RGS7: variants seen among roughly 807,000 people sequenced by gnomAD.
The protein encoded by RGS7 is regulator of G-protein signaling 7.
In RGS7, 27 loss-of-function variants were observed where a neutral mutation model predicts 81.1. That is an observed-to-expected ratio of 0.33 (90% confidence interval 0.25 to 0.46). The LOEUF (loss-of-function observed/expected upper bound fraction) is 0.46, where lower values mean the gene tolerates loss of function less well. Among genes scored for constraint, RGS7 ranks in the 20% least tolerant of loss-of-function variants. The pLI is 1.00. For missense variants in RGS7, 396 were observed against 607.4 expected (o/e 0.65, Z 3.66); for synonymous variants, 208 against 207.7 (o/e 1.00, Z -0.01).
At chr1:240,864,751 T>TA (rs2148001320) in intron 9 of RGS7, among the ~76,000 whole-genome samples, 1 of 152,298 alleles carries the variant, frequency 6.6e-6, no homozygotes, top group South Asian at 2.1e-4. Flanking sequence ...TCATGCAAGT[T>TA]ATCCCTAAAT....
intron 10 of RGS7, among the ~76,000 whole-genome samples, chr1:240,822,075 T>C (rs1691898618): frequency 6.6e-6 from 1 of 152,202 alleles, no homozygotes; most frequent in South Asian, 2.1e-4. Flanking sequence ...GTTTATTGGA[T>C]GGGATTAACA....
chr1:241,081,724 T>A (rs1413216901), intron 3 of RGS7, among the ~76,000 whole-genome samples: 1 of 152,216 alleles, frequency 6.6e-6, no homozygotes, highest in East Asian at 1.9e-4. Context: ...TACTTAAGGA[T>A]AGGCAAACAG....
chr1:241,203,692 T>C (rs1350765642), intron 2 of RGS7, among the ~76,000 whole-genome samples: 1 of 152,128 alleles, frequency 6.6e-6, no homozygotes, highest in Admixed American at 6.6e-5. Context: ...ATAATCCCTG[T>C]CTCTTGATAA....
chr1:241,206,086 A>G (rs2073863478), intron 2 of RGS7, among the ~76,000 whole-genome samples: 1 of 151,924 alleles, frequency 6.6e-6, no homozygotes, highest in Non-Finnish European at 1.5e-5. Context: ...GAGATAATCT[A>G]TTTCTAGGCA....
rs1406438179 is a variant in RGS7 at position 241,144,027 on chromosome 1, A to G, written c.79-45265T>C. ...CCAGAACTCTGAGAAATACATTTCT[A>G]TTGTGTATAAGCCACTCAGCCCATG... On this transcript the variant is annotated intron_variant, in intron 2 of 18. Coordinates refer to ENST00000440928, the MANE Select transcript of RGS7 (RefSeq NM_001364886.1). The surrounding 1 kb of genome is among the most constrained non-coding windows in gnomAD (Gnocchi z 4.7). Among the ~76,000 whole-genome samples the G allele has an allele frequency of 1.3e-5, 2 of 152,132 alleles. No individual in the cohort carries two copies. The highest frequency in any genetic ancestry group is 2.9e-5 in the Non-Finnish European group (2 of 68,010).
At chr1:241,016,301 T>C (rs571254859) in intron 3 of RGS7, among the ~76,000 whole-genome samples, 44 of 152,266 alleles carry the variant, frequency 2.9e-4, no homozygotes, top group Admixed American at 1.8e-3. Flanking sequence ...GGTCTGATTA[T>C]GAGGTCAAGA....
chr1:241,197,421 AT>A (rs2073162154), intron 2 of RGS7, among the ~76,000 whole-genome samples: 1 of 39,916 alleles, frequency 2.5e-5, no homozygotes, highest in South Asian at 5.9e-4. Context: ...CGCCCGGCTA[AT>A]TTTTTGTATT....
At chr1:240,792,313 A>C (rs6429222) in intron 18 of RGS7, among the ~76,000 whole-genome samples, 18,205 of 152,170 alleles carry the variant, frequency 0.12, 3,635 homozygotes, top group African/African-American at 0.41. Context: ...AGTTTTTGTT[A>C]TCATCTAATG....
chr1:240,985,599 A>C (rs1685532742), intron 3 of RGS7, among the ~76,000 whole-genome samples: 1 of 152,192 alleles, frequency 6.6e-6, no homozygotes, highest in South Asian at 2.1e-4. Context: ...ATTGGACTTG[A>C]CCAACTGCTA....
intron 5 of RGS7, among the ~76,000 whole-genome samples, chr1:240,935,594 A>G (rs1214246737): frequency 6.6e-6 from 1 of 152,186 alleles, no homozygotes; most frequent in African/African-American, 2.4e-5. Flanking sequence ...AAATGAGTCC[A>G]AGGAAGGGGC....
intron 2 of RGS7, among the ~76,000 whole-genome samples, chr1:241,276,738 C>T (rs1165744732): frequency 6.6e-6 from 1 of 152,202 alleles, no homozygotes; most frequent in East Asian, 1.9e-4. Flanking sequence ...AATGTACTAC[C>T]TGGCATACAA....
chr1:241,174,131 G>C (rs377415292), intron 2 of RGS7, among the ~76,000 whole-genome samples: 1 of 152,294 alleles, frequency 6.6e-6, no homozygotes, highest in Non-Finnish European at 1.5e-5. Flanking sequence ...ATAAACCAAA[G>C]AAAAATATGA....
chr1:241,322,869 A>G (rs1390990048), intron 2 of RGS7, among the ~76,000 whole-genome samples: 1 of 152,222 alleles, frequency 6.6e-6, no homozygotes, highest in East Asian at 1.9e-4. Context: ...TAATTCATGA[A>G]TTCTCACATA....
intron 6 of RGS7, among the ~76,000 whole-genome samples, chr1:240,876,424 A>T (rs949294366): frequency 2.3e-4 from 35 of 152,210 alleles, no homozygotes; most frequent in African/African-American, 7.7e-4. Context: ...TACTGGGATC[A>T]TGCATATGTT....
chr1:241,033,519 T>A (rs933844832), intron 3 of RGS7, among the ~76,000 whole-genome samples: 1 of 152,102 alleles, frequency 6.6e-6, no homozygotes, highest in African/African-American at 2.4e-5. Flanking sequence ...ATATTTTATA[T>A]AAAAATGATA....
At chr1:241,136,938 C>T (rs536178628) in intron 2 of RGS7, among the ~76,000 whole-genome samples, 4 of 152,262 alleles carry the variant, frequency 2.6e-5, no homozygotes, top group Non-Finnish European at 4.4e-5. Flanking sequence ...CTGTTGGTGG[C>T]TTGCATCATC....
At chr1:240,847,012 G>A (rs1380704447) in intron 9 of RGS7, among the ~76,000 whole-genome samples, 2 of 152,186 alleles carry the variant, frequency 1.3e-5, no homozygotes, top group Non-Finnish European at 2.9e-5. Flanking sequence ...CTCAGTAGCT[G>A]TGTAAAATAG....
chr1:240,900,790 G>A (rs975671199), intron 6 of RGS7, among the ~76,000 whole-genome samples: 1 of 152,182 alleles, frequency 6.6e-6, no homozygotes, highest in Non-Finnish European at 1.5e-5. Context: ...CTCCAACTCT[G>A]TGCTGGGAGA....
chr1:240,944,126 T>C (rs969535170), intron 4 of RGS7, among the ~76,000 whole-genome samples: 2 of 151,576 alleles, frequency 1.3e-5, no homozygotes, highest in South Asian at 4.2e-4. Context: ...GAAAAAATGA[T>C]CCATGTAATA....
Sources: allele counts gnomAD v4.1 joint callset (sites outside exome capture counted in the v4.1 genomes callset), GRCh38; gene constraint gnomAD v4.1.1; non-coding constraint Gnocchi (gnomAD v3.1); transcripts MANE v1.5; gene names NCBI Gene and HGNC (gene_info 2026-07-23, HGNC 2026-07-21).